The following GALNT6 variants were observed in gnomAD, a reference collection of about 807,000 sequenced individuals.
GALNT6 encodes polypeptide N-acetylgalactosaminyltransferase 6, also known as GalNAc transferase 6.
A neutral mutation model predicts 65.9 loss-of-function variants in GALNT6; 51 were observed. That is an observed-to-expected ratio of 0.77 (90% CI 0.62 to 0.98). The LOEUF is 0.98. GALNT6 is among the 50% of genes least tolerant of loss of function. The probability of loss-of-function intolerance (pLI) is 0.00; values close to 1 mark genes in which losing one functional copy is unlikely to be tolerated. For synonymous variants in GALNT6, 323 were observed against 315.1 expected (o/e 1.02, Z -0.26); for missense variants, 708 against 803.3 (o/e 0.88, Z 1.43).
chr12:51,360,646 C>A (rs571532099), intron 7 of GALNT6, 75 bp downstream of exon 7: 2 of 872,146 alleles, frequency 2.3e-6, no homozygotes, highest in East Asian at 4.9e-5. Context: ...CCTGATGCCA[C>A]CTCTGCCTGA....
In GALNT6 at chr12:51,357,790, T is replaced by C. The variant is rs556610795; in HGVS notation, c.1500+340A>G. Among the ~76,000 whole-genome samples, 7 of 152,244 alleles carry C rather than the reference T, an allele frequency of 4.6e-5. No homozygotes were observed. In the East Asian group the frequency reaches 1.4e-3, roughly 29 times the overall value. ...AAATGTGAGCCCTGGACCATCAGCA[T>C]CACCTGGAGACTCGTGAGAAATGCA... On this transcript the variant is annotated intron_variant, in intron 9 of 11. Transcript: ENST00000356317.
At position 51,369,461 on chromosome 12, in the gene GALNT6, C is replaced by T. The variant is rs531215262; in HGVS notation, c.665-3882G>A. Among the ~76,000 whole-genome samples the T allele has an allele frequency of 5.3e-5, 8 of 152,268 alleles. No homozygotes were observed. In the South Asian group the frequency reaches 1.4e-3, roughly 28 times the overall value. On this transcript the variant is annotated intron_variant, in intron 4 of 11. Transcript: ENST00000356317. ...CCCAGCCACACACTCATGTCCCCGC[C>T]GTGACAGCCTTCCAACTTAGGTTCA...
intron 8 of GALNT6, among the ~76,000 whole-genome samples, chr12:51,358,772 A>T (rs1186524570): frequency 6.6e-6 from 1 of 152,132 alleles, no homozygotes; most frequent in Non-Finnish European, 1.5e-5. Context: ...TCCCCTGCTT[A>T]TCGGTCCATC....
intron 10 of GALNT6, among the ~76,000 whole-genome samples, chr12:51,356,819 G>A (rs1360692599): frequency 6.6e-6 from 1 of 152,126 alleles, no homozygotes; most frequent in Non-Finnish European, 1.5e-5. Context: ...CATCTTGCAG[G>A]CCAGTGGTAC....
At chr12:51,371,241 G>A (rs1358486343) in intron 4 of GALNT6, among the ~76,000 whole-genome samples, 2 of 151,890 alleles carry the variant, frequency 1.3e-5, no homozygotes, top group Non-Finnish European at 2.9e-5. Flanking sequence ...CCACCACCAT[G>A]CCTGGCTAAT....
intron 4 of GALNT6, among the ~76,000 whole-genome samples, chr12:51,375,028 C>T (rs1444820645): frequency 6.6e-6 from 1 of 151,844 alleles, no homozygotes; most frequent in Middle Eastern, 3.4e-3. Context: ...AGGCACATGC[C>T]GTCATGCCAG....
chr12:51,364,587 G>A (rs776269121), intron 5 of GALNT6, among the ~76,000 whole-genome samples: 5 of 152,246 alleles, frequency 3.3e-5, no homozygotes, highest in Non-Finnish European at 5.9e-5. Flanking sequence ...TCTCAGGGGA[G>A]TAACATGGTC....
chr12:51,354,552 G>T, intron 11 of GALNT6, 60 bp from the exon 12 acceptor site: 1 of 997,578 alleles, frequency 1.0e-6, no homozygotes. Context: ...GGTGCTACCA[G>T]GGACAATGCG....
intron 6 of GALNT6, 29 bp downstream of exon 6, chr12:51,364,092 T>C (rs774842425): frequency 1.3e-6 from 2 of 1,515,630 alleles, no homozygotes; most frequent in Admixed American, 1.7e-5. Flanking sequence ...TGGGGCCAGG[T>C]TGGGGGCTCA....
chr12:51,376,308 G>C (rs188646363), intron 4 of GALNT6, among the ~76,000 whole-genome samples: 5 of 152,250 alleles, frequency 3.3e-5, no homozygotes, highest in African/African-American at 1.2e-4. Context: ...TGTTACAGGT[G>C]CATCACTGCC....
intron 2 of GALNT6, among the ~76,000 whole-genome samples, chr12:51,390,159 T>TC (rs1555182812): frequency 0.045 from 1,429 of 31,418 alleles, 9 homozygotes; most frequent in South Asian, 0.076. Context: ...TTTCTTTCTT[T>TC]TTTTTTTTTT....
intron 4 of GALNT6, among the ~76,000 whole-genome samples, chr12:51,371,841 C>T (rs760645598): frequency 2.6e-5 from 4 of 152,088 alleles, no homozygotes; most frequent in East Asian, 1.9e-4. Context: ...CATTGTATTT[C>T]GGCAGAGACA....
At chr12:51,360,682 G>A (rs373839546) in intron 7 of GALNT6, 39 bp downstream of exon 7, 34 of 1,159,076 alleles carry the variant, frequency 2.9e-5, no homozygotes, top group Admixed American at 5.1e-5. Flanking sequence ...CTGTCGCCTG[G>A]GATGTTGTGG....
At position 51,353,913 on chromosome 12, in the gene GALNT6, CTT is replaced by C. The variant is rs11350640; in HGVS notation, c.*464_*465del. 5.1e-4 allele frequency: 76 copies of C among 149,444 alleles called. No individual in the cohort carries two copies. The highest frequency in any genetic ancestry group is 3.4e-3 in the Middle Eastern group (1 of 296). 9.3% of individuals were successfully genotyped at this position (149,444 alleles called of 1,614,324 possible). On this transcript the variant is annotated 3_prime_UTR_variant, in exon 12 of 12. Transcript: ENST00000356317. ...TACAGGCATAAGCCACCATACCCAG[CTT>C]TTTTTTTTTGCCGGGGGGAGGGTGG...
At chr12:51,359,037 G>C (rs1946835702) in intron 8 of GALNT6, 95 bp downstream of exon 8, 2 of 944,802 alleles carry the variant, frequency 2.1e-6, no homozygotes, top group Non-Finnish European at 3.3e-6. Context: ...CCAGATGGTA[G>C]AGATGAGGTG....
Position 51,353,101 on chromosome 12 carries a change from G to A in GALNT6, c.*1278C>T, listed in dbSNP as rs1314650624. On this transcript the variant is annotated 3_prime_UTR_variant, in exon 12 of 12. Coordinates refer to ENST00000356317, the MANE Select transcript of GALNT6 (RefSeq NM_007210.4). The stretch of plus-strand genomic sequence containing the variant: ...GTGCAGCGGAAGGAGCCCTGGCTCA[G>A]CATTGAAGAACGAGCCTCAGTCTTG... 1.3e-5 allele frequency: 2 copies of A among 152,286 alleles called. No homozygotes were observed. The highest frequency in any genetic ancestry group is 4.8e-5 in the African/African-American group (2 of 41,474). 9.4% of individuals were successfully genotyped at this position (152,286 alleles called of 1,614,324 possible).
Position 51,387,620 on chromosome 12 carries a change from C to T in GALNT6, c.-104+3230G>A, listed in dbSNP as rs1465999986. 3.3e-5 allele frequency among the ~76,000 whole-genome samples: 5 copies of T among 152,068 alleles called. No homozygotes were observed. The highest frequency in any genetic ancestry group is 5.9e-5 in the Non-Finnish European group (4 of 68,012). ...AGTTCACAGGTTTTTCACTGGAGAC[C>T]CTGTAGGCCCTTCCAGGTGGGGCAG... On this transcript the variant is annotated intron_variant, in intron 2 of 11. Transcript: ENST00000356317. This position sits in a 1 kb window ranked among gnomAD's most constrained non-coding sequence, Gnocchi z 4.2.
At chr12:51,375,907 C>A (rs1399786152) in intron 4 of GALNT6, among the ~76,000 whole-genome samples, 2 of 151,960 alleles carry the variant, frequency 1.3e-5, no homozygotes, top group Non-Finnish European at 2.9e-5. Flanking sequence ...GTCTCTCAGG[C>A]AGAAAAGCAG....
At chr12:51,368,379 T>C (rs530075752) in intron 4 of GALNT6, among the ~76,000 whole-genome samples, 1 of 142,520 alleles carries the variant, frequency 7.0e-6, no homozygotes, top group Non-Finnish European at 1.5e-5. Context: ...AGCTTTTTCC[T>C]TCTTTTTTTT....
Sources: gnomAD v4.1 joint callset for allele counts (sites outside exome capture counted in the v4.1 genomes callset) on GRCh38, gnomAD v4.1.1 for gene constraint, Gnocchi (gnomAD v3.1) non-coding constraint, MANE v1.5 for transcripts, NCBI Gene and HGNC (gene_info 2026-07-23, HGNC 2026-07-21) for gene names.